ADAM23: variants seen among roughly 807,000 people sequenced by gnomAD.
ADAM23 encodes ADAM metallopeptidase domain 23.
ADAM23 carries 33 observed loss-of-function variants against 120.1 expected under a neutral mutation model. The observed-to-expected ratio is 0.27, with a 90% CI of 0.21 to 0.37. ADAM23 has a LOEUF of 0.37. ADAM23 is among the 10% of genes least tolerant of loss of function. The pLI is 1.00. For missense variants in ADAM23, 862 were observed against 1,058.2 expected, an observed-to-expected ratio of 0.81 and a Z score of 2.57; for synonymous variants, 367 against 375.2, an observed-to-expected ratio of 0.98 and a Z score of 0.25.
intron 18 of ADAM23, among the ~76,000 whole-genome samples, chr2:206,574,053 A>G (rs1007376723): frequency 2.6e-5 from 4 of 152,172 alleles, no homozygotes; most frequent in African/African-American, 9.6e-5. Flanking sequence ...TGCACCAACC[A>G]AATATAAACT....
chr2:206,587,722 T>G (rs1698351958), intron 19 of ADAM23, among the ~76,000 whole-genome samples: 1 of 152,168 alleles, frequency 6.6e-6, no homozygotes. Context: ...TGAAGCCATA[T>G]TATAACCTAC....
At chr2:206,496,441 C>A (rs1186954433) in intron 3 of ADAM23, among the ~76,000 whole-genome samples, 8 of 152,112 alleles carry the variant, frequency 5.3e-5, no homozygotes, top group African/African-American at 1.7e-4. Context: ...TAAAGATGTT[C>A]TTTGAAACCA....
At chr2:206,531,001 G>A (rs1697050020) in intron 4 of ADAM23, 53 bp downstream of exon 4, 1 of 1,482,288 alleles carries the variant, frequency 6.7e-7, no homozygotes, top group African/African-American at 1.4e-5. Context: ...TTATCATAGA[G>A]TTGATCAGTG....
At chr2:206,589,156 T>A (rs1486470149) in intron 20 of ADAM23, among the ~76,000 whole-genome samples, 1 of 152,234 alleles carries the variant, frequency 6.6e-6, no homozygotes, top group Admixed American at 6.5e-5. Flanking sequence ...AGTGTTGTTT[T>A]GGAGCTTTTT....
chr2:206,501,278 A>G (rs372051842), intron 3 of ADAM23, among the ~76,000 whole-genome samples: 1 of 152,128 alleles, frequency 6.6e-6, no homozygotes, highest in East Asian at 1.9e-4. Flanking sequence ...CTTCTGGTGT[A>G]TTCCTGAACA....
At chr2:206,455,751 C>G (rs1695285068) in intron 2 of ADAM23, among the ~76,000 whole-genome samples, 1 of 152,182 alleles carries the variant, frequency 6.6e-6, no homozygotes, top group African/African-American at 2.4e-5. Flanking sequence ...ATCTCTGGAG[C>G]AGGGCACAGT....
intron 14 of ADAM23, among the ~76,000 whole-genome samples, chr2:206,565,845 G>T (rs1027871115): frequency 2.0e-5 from 3 of 152,156 alleles, no homozygotes; most frequent in Non-Finnish European, 4.4e-5. Context: ...CTGGTTGCCA[G>T]AGGCCCTGAC....
chr2:206,556,509 T>C (rs1434857896), intron 9 of ADAM23, among the ~76,000 whole-genome samples: 2 of 152,138 alleles, frequency 1.3e-5, no homozygotes, highest in Non-Finnish European at 2.9e-5. Flanking sequence ...GGTTTTGTTT[T>C]CCTTAGTGTT....
In ADAM23 at chr2:206,589,454, A is replaced by G; in HGVS notation, c.1898A>G (p.Glu633Gly). 1 of 1,613,948 alleles carries G rather than the reference A, an allele frequency of 6.2e-7. No individual in the cohort carries two copies. Among genetic ancestry groups the G allele is most frequent in the Non-Finnish European group, 8.5e-7 (1 of 1,179,924 alleles). Reference protein sequence around the residue: ...DKFCYEKLNTEGTEKGNCGKD... With the variant: ...DKFCYEKLNTGGTEKGNCGKD... Reference sequence around the variant, plus strand: ...TTCTGCTATGAAAAGCTGAATACAGAAGGCACTGAGAAGGGAAACTGCGGG... The same window carrying G: ...TTCTGCTATGAAAAGCTGAATACAGGAGGCACTGAGAAGGGAAACTGCGGG... Residue 633 changes from glutamate (E) to glycine (G), a missense_variant, in exon 21 of 26, where the codon GAA becomes GGA. Physicochemically the swap from Glu to Gly is moderately conservative, Grantham distance 98 (BLOSUM62 -2). Transcript: ENST00000264377.
intron 3 of ADAM23, among the ~76,000 whole-genome samples, chr2:206,526,523 T>TA (rs1696951442): frequency 6.6e-6 from 1 of 152,198 alleles, no homozygotes; most frequent in Non-Finnish European, 1.5e-5. Context: ...ATATTTCTGT[T>TA]ATGCCATCTG....
Position 206,572,967 on chromosome 2 carries a change from C to T in ADAM23, c.1657-148C>T, listed in dbSNP as rs75592856. On this transcript the variant is annotated intron_variant, in intron 17 of 25. Transcript: ENST00000264377. The stretch of plus-strand genomic sequence containing the variant: ...GCATCTGGGTCTTGTTTCTATTCTG[C>T]AATAGGATATTCTGTCTTGCTAATT... The T allele has an allele frequency of 1.3e-3, 988 of 734,182 alleles. 4 individuals are homozygous for T. The African/African-American group carries it at 0.016, about 12-fold the overall frequency. 45.5% of individuals were successfully genotyped at this position (734,182 alleles called of 1,614,324 possible). A position where few individuals can be genotyped will look rare whatever the true frequency, so the allele number is the denominator to read the frequency against.
At chr2:206,586,676 A>G (rs1042931882) in intron 18 of ADAM23, among the ~76,000 whole-genome samples, 1 of 152,166 alleles carries the variant, frequency 6.6e-6, no homozygotes, top group African/African-American at 2.4e-5. Context: ...ATTCTCTTAA[A>G]TGTAGTCAAT....
chr2:206,478,639 A>G (rs1457390042), intron 2 of ADAM23, among the ~76,000 whole-genome samples: 3 of 152,188 alleles, frequency 2.0e-5, no homozygotes, highest in African/African-American at 7.2e-5. Context: ...GCGATCATAA[A>G]TGTCACTGAT....
intron 18 of ADAM23, 36 bp downstream of exon 18, chr2:206,573,231 T>A: frequency 6.3e-7 from 1 of 1,586,432 alleles, no homozygotes; most frequent in Non-Finnish European, 8.7e-7. Flanking sequence ...TACATTTTAC[T>A]TGTACAGGTT....
rs1574479548 is a variant in ADAM23 at position 206,461,391 on chromosome 2, T to G, written c.432+15867T>G. On this transcript the variant is annotated intron_variant, in intron 2 of 25. Coordinates refer to ENST00000264377, the MANE Select transcript of ADAM23 (RefSeq NM_003812.4). ...TAGTTTCCTTCTATCTGTTTTTGCA[T>G]ATTTTATCTCATAAGTTTCTTTAAA... Among the ~76,000 whole-genome samples the G allele has an allele frequency of 2.0e-5, 3 of 152,326 alleles. No individual in the cohort carries two copies. In the East Asian group the frequency reaches 5.8e-4, roughly 29 times the overall value.
chr2:206,611,627 T>C (rs1451852793), intron 25 of ADAM23, among the ~76,000 whole-genome samples: 2 of 152,210 alleles, frequency 1.3e-5, no homozygotes, highest in African/African-American at 4.8e-5. Flanking sequence ...AACAGTCTAT[T>C]ACACGTCTTT....
At chr2:206,447,855 G>A (rs1435121043) in intron 2 of ADAM23, among the ~76,000 whole-genome samples, 1 of 152,162 alleles carries the variant, frequency 6.6e-6, no homozygotes, top group East Asian at 1.9e-4. Flanking sequence ...CCTAGACTGG[G>A]GGTAGAGGTG....
At chr2:206,533,393 C>T (rs950488780) in intron 4 of ADAM23, among the ~76,000 whole-genome samples, 17 of 152,004 alleles carry the variant, frequency 1.1e-4, no homozygotes, top group Admixed American at 3.3e-4. Context: ...TTAGTAGAGA[C>T]GGGGTTTCAC....
chr2:206,504,743 C>A (rs925084918), intron 3 of ADAM23, among the ~76,000 whole-genome samples: 1 of 152,158 alleles, frequency 6.6e-6, no homozygotes, highest in African/African-American at 2.4e-5. Context: ...ACACTTTTGT[C>A]CAGGGTCCCC....
Sources: allele counts gnomAD v4.1 joint callset (sites outside exome capture counted in the v4.1 genomes callset), GRCh38; gene constraint gnomAD v4.1.1; transcripts MANE v1.5; gene names NCBI Gene and HGNC (gene_info 2026-07-23, HGNC 2026-07-21).